The following CALN1 variants were observed in gnomAD, a reference collection of about 807,000 sequenced individuals.
CALN1 encodes calneuron 1, also known as calcium-binding protein 8.
A neutral mutation model predicts 30.6 loss-of-function variants in CALN1; 17 were observed. The observed-to-expected ratio is 0.56, with a 90% CI of 0.38 to 0.83. The LOEUF is 0.83. CALN1 is among the 40% of genes least tolerant of loss of function. The pLI is 0.00. For missense variants in CALN1, 291 were observed against 354.9 expected, an observed-to-expected ratio of 0.82 and a Z score of 1.45; for synonymous variants, 156 against 131.4, an observed-to-expected ratio of 1.19 and a Z score of -1.28.
intron 3 of CALN1, among the ~76,000 whole-genome samples, chr7:72,175,545 C>T (rs1789286541): frequency 6.6e-6 from 1 of 152,092 alleles, no homozygotes; most frequent in South Asian, 2.1e-4. Flanking sequence ...ATACTGGTGG[C>T]ATTTGGAGAT....
intron 3 of CALN1, among the ~76,000 whole-genome samples, chr7:72,276,704 G>A (rs750916747): frequency 2.0e-5 from 3 of 151,872 alleles, no homozygotes; most frequent in East Asian, 1.9e-4. Flanking sequence ...ACCCTCTCTC[G>A]CCTTTCCACC....
chr7:72,401,191 C>A (rs1387697995), intron 2 of CALN1, among the ~76,000 whole-genome samples: 1 of 152,164 alleles, frequency 6.6e-6, no homozygotes, highest in Non-Finnish European at 1.5e-5. Flanking sequence ...AGTGCTTTAC[C>A]TGAAGGAGGT....
At chr7:71,976,970 A>T (rs74466617) in intron 5 of CALN1, among the ~76,000 whole-genome samples, 19,742 of 152,074 alleles carry the variant, frequency 0.13, 1,662 homozygotes, top group East Asian at 0.38. Context: ...TCCACCAATC[A>T]CCTAATCTCA....
At chr7:72,078,975 G>A (rs1804937830) in intron 4 of CALN1, among the ~76,000 whole-genome samples, 1 of 152,142 alleles carries the variant, frequency 6.6e-6, no homozygotes, top group African/African-American at 2.4e-5. Flanking sequence ...GGGAGACAAA[G>A]ATGAGAAAGG....
Position 72,184,509 on chromosome 7 carries a change from A to T in CALN1, c.245-78215T>A, listed in dbSNP as rs140816990. Among the ~76,000 whole-genome samples, 290 of 152,378 alleles carry T rather than the reference A, an allele frequency of 1.9e-3. 1 individual carries two copies. The highest frequency in any genetic ancestry group is 1.9e-3 in the Non-Finnish European group (128 of 68,036). On this transcript the variant is annotated intron_variant, in intron 3 of 6. Coordinates refer to ENST00000395275, the MANE Select transcript of CALN1 (RefSeq NM_031468.4). ...TTAACATAGTTAAGGTGCTTGACAC[A>T]GTTCTGGCACATAGGAAGCACTCAG...
chr7:72,400,022 G>A (rs1313148853), intron 2 of CALN1, among the ~76,000 whole-genome samples: 1 of 152,172 alleles, frequency 6.6e-6, no homozygotes, highest in Admixed American at 6.5e-5. Flanking sequence ...GAGGTCCTCA[G>A]CAGAAGCAGA....
intron 1 of CALN1, among the ~76,000 whole-genome samples, chr7:72,440,435 C>T (rs989414345): frequency 2.0e-5 from 3 of 152,190 alleles, no homozygotes; most frequent in African/African-American, 4.8e-5. Context: ...TCTGTAATCT[C>T]AATACTTTGG....
chr7:71,866,721 C>T (rs1036888917), intron 5 of CALN1, among the ~76,000 whole-genome samples: 13 of 152,116 alleles, frequency 8.5e-5, no homozygotes, highest in Non-Finnish European at 1.3e-4. Context: ...ATACAGGATG[C>T]TTTTCAACTT....
At position 71,816,491 on chromosome 7, in the gene CALN1, A is replaced by G. The variant is rs528345143; in HGVS notation, c.502-5999T>C. On this transcript the variant is annotated intron_variant, in intron 5 of 6. Transcript: ENST00000395275. ...ATGATCAGAGATGAAGAGTGGCAAG[A>G]TCAAGGTCAACAAGACTCAGAAAAT... Among the ~76,000 whole-genome samples, 4 of 152,322 alleles carry G rather than the reference A, an allele frequency of 2.6e-5. No individual in the cohort carries two copies. The East Asian group carries it at 7.7e-4, about 29-fold the overall frequency.
chr7:71,916,513 T>C (rs1236559960), intron 5 of CALN1, among the ~76,000 whole-genome samples: 2 of 152,152 alleles, frequency 1.3e-5, no homozygotes, highest in African/African-American at 4.8e-5. Flanking sequence ...GATCATGTCC[T>C]TGCCAGGAAC....
At chr7:72,036,965 A>G (rs1801838556) in intron 4 of CALN1, among the ~76,000 whole-genome samples, 1 of 150,742 alleles carries the variant, frequency 6.6e-6, no homozygotes, top group South Asian at 2.1e-4. Context: ...GTCATTTTTT[A>G]TTTGTTTTCA....
chr7:71,962,398 G>A (rs899040506), intron 5 of CALN1, among the ~76,000 whole-genome samples: 3 of 152,126 alleles, frequency 2.0e-5, no homozygotes, highest in Non-Finnish European at 2.9e-5. Flanking sequence ...GAGAGACCCA[G>A]CCTCCAATAA....
At chr7:72,407,759 C>G (rs1806802304) in intron 1 of CALN1, among the ~76,000 whole-genome samples, 1 of 152,106 alleles carries the variant, frequency 6.6e-6, no homozygotes, top group Non-Finnish European at 1.5e-5. Flanking sequence ...TCTTTTTGCA[C>G]TAATACTGAC....
chr7:72,192,485 AG>A (rs1790678283), intron 3 of CALN1, among the ~76,000 whole-genome samples: 1 of 152,140 alleles, frequency 6.6e-6, no homozygotes, highest in African/African-American at 2.4e-5. Flanking sequence ...GAGCAGTGAA[AG>A]ATGTTTATGC....
chr7:72,001,967 A>C (rs1261457520), intron 5 of CALN1, among the ~76,000 whole-genome samples: 1 of 152,200 alleles, frequency 6.6e-6, no homozygotes, highest in Non-Finnish European at 1.5e-5. Context: ...AAACAGAAAA[A>C]ACATCTGACA....
intron 2 of CALN1, among the ~76,000 whole-genome samples, chr7:72,345,847 A>G (rs1802615218): frequency 6.6e-6 from 1 of 152,196 alleles, no homozygotes; most frequent in Non-Finnish European, 1.5e-5. Context: ...GAAAAGTTAA[A>G]TCTCTCTGAG....
chr7:72,300,087 G>C (rs1799151126), intron 2 of CALN1, among the ~76,000 whole-genome samples: 1 of 151,774 alleles, frequency 6.6e-6, no homozygotes, highest in Non-Finnish European at 1.5e-5. Context: ...TCACCATGTT[G>C]GCCAGGCTGG....
At chr7:72,208,042 A>G (rs1186258168) in intron 3 of CALN1, among the ~76,000 whole-genome samples, 1 of 152,208 alleles carries the variant, frequency 6.6e-6, no homozygotes, top group Admixed American at 6.5e-5. Context: ...TGCCTCTTAT[A>G]CAATCAACCA....
At chr7:72,303,810 G>A (rs1028458842) in intron 2 of CALN1, among the ~76,000 whole-genome samples, 2 of 152,100 alleles carry the variant, frequency 1.3e-5, no homozygotes, top group Non-Finnish European at 2.9e-5. Context: ...AGGAGATCAA[G>A]GCTTAGTGAG....
Sources: allele counts gnomAD v4.1 joint callset (sites outside exome capture counted in the v4.1 genomes callset), GRCh38; gene constraint gnomAD v4.1.1; transcripts MANE v1.5; gene names NCBI Gene and HGNC (gene_info 2026-07-23, HGNC 2026-07-21).